DNAJC1: variants seen among roughly 807,000 people sequenced by gnomAD.
DNAJC1 encodes dnaJ homolog subfamily C member 1.
DNAJC1 carries 58 observed loss-of-function variants against 76.6 expected under a neutral mutation model. The observed-to-expected ratio is 0.76, with a 90% CI of 0.61 to 0.94. The LOEUF (loss-of-function observed/expected upper bound fraction) is 0.94, where lower values mean the gene tolerates loss of function less well. Ranked by LOEUF, DNAJC1 falls within the 40% of genes least tolerant of loss-of-function variation. DNAJC1 has a pLI of 0.00. For missense variants in DNAJC1, 689 were observed against 677.3 expected, an observed-to-expected ratio of 1.02 and a Z score of -0.19; for synonymous variants, 258 against 267.9, an observed-to-expected ratio of 0.96 and a Z score of 0.36.
At chr10:21,816,746 C>T (rs537692941) in intron 8 of DNAJC1, among the ~76,000 whole-genome samples, 29 of 146,914 alleles carry the variant, frequency 2.0e-4, no homozygotes, top group Non-Finnish European at 3.2e-4. Context: ...GGGGTTTCAC[C>T]GTGTTAACAA....
At chr10:21,758,310 G>C (rs891771097) in intron 11 of DNAJC1, among the ~76,000 whole-genome samples, 3 of 152,202 alleles carry the variant, frequency 2.0e-5, no homozygotes, top group African/African-American at 7.2e-5. Context: ...CACTGTTCCT[G>C]GTTCCTCGAC....
chr10:21,899,630 G>A (rs934274866), intron 7 of DNAJC1, among the ~76,000 whole-genome samples: 5 of 152,098 alleles, frequency 3.3e-5, no homozygotes, highest in Non-Finnish European at 7.4e-5. Context: ...TTCCTCACTG[G>A]GCTGGACCTC....
At chr10:21,917,121 T>A (rs981993638) in intron 6 of DNAJC1, among the ~76,000 whole-genome samples, 1 of 151,992 alleles carries the variant, frequency 6.6e-6, no homozygotes, top group Non-Finnish European at 1.5e-5. Context: ...TTCAAAGTGA[T>A]CAGTTAAAAA....
At chr10:21,872,167 G>T (rs1214995765) in intron 8 of DNAJC1, among the ~76,000 whole-genome samples, 2 of 149,780 alleles carry the variant, frequency 1.3e-5, no homozygotes, top group Admixed American at 1.3e-4. Flanking sequence ...TCAACCTCCT[G>T]GGTTCAAGTG....
chr10:21,910,829 AAGGAGAGGAG>A (rs71393924), intron 6 of DNAJC1, among the ~76,000 whole-genome samples: 17,484 of 48,670 alleles, frequency 0.36, 2,257 homozygotes, highest in Middle Eastern at 0.52. Flanking sequence ...GAAAGAAAGG[AAGGAGAGGAG>A]AGGAGAGGAG....
intron 1 of DNAJC1, among the ~76,000 whole-genome samples, chr10:21,940,573 C>T (rs1286866857): frequency 6.6e-5 from 10 of 152,078 alleles, no homozygotes; most frequent in Admixed American, 5.9e-4. Flanking sequence ...TATTCTGCTC[C>T]TTTATTTTAG....
intron 1 of DNAJC1, among the ~76,000 whole-genome samples, chr10:21,990,739 TTTG>T (rs1838315642): frequency 6.6e-6 from 1 of 152,184 alleles, no homozygotes; most frequent in African/African-American, 2.4e-5. Flanking sequence ...AAATTTTTGT[TTTG>T]TTGTTGTTTT....
At chr10:21,847,906 T>A (rs902488463) in intron 8 of DNAJC1, among the ~76,000 whole-genome samples, 2 of 152,130 alleles carry the variant, frequency 1.3e-5, no homozygotes, top group Non-Finnish European at 2.9e-5. Context: ...TTGTGAATAG[T>A]GGTGCAACAA....
intron 6 of DNAJC1, among the ~76,000 whole-genome samples, chr10:21,909,061 A>C (rs546176401): frequency 8.1e-4 from 123 of 151,990 alleles, no homozygotes; most frequent in Admixed American, 1.2e-3. Context: ...TAATTTTTGT[A>C]TTTTTTAGTA....
In DNAJC1 at chr10:21,896,295, T is replaced by C. The variant is rs373268076; in HGVS notation, c.820+8227A>G. Among the ~76,000 whole-genome samples, 4 of 152,132 alleles carry C rather than the reference T, an allele frequency of 2.6e-5. No homozygotes were observed. The East Asian group carries it at 7.7e-4, about 29-fold the overall frequency. ...GCTGTGACCAACAAAATTATAGTGC[T>C]GGGGTTGCCCAGAGCCTTGGGGACC... On this transcript the variant is annotated intron_variant, in intron 7 of 11. Transcript: ENST00000376980.
intron 1 of DNAJC1, among the ~76,000 whole-genome samples, chr10:21,984,925 CAA>C (rs1288971111): frequency 6.6e-6 from 1 of 152,114 alleles, no homozygotes; most frequent in Non-Finnish European, 1.5e-5. Flanking sequence ...ATGAAGAGGC[CAA>C]AGAGTGAAAA....
chr10:21,915,739 A>G (rs1016974546), intron 6 of DNAJC1, among the ~76,000 whole-genome samples: 2 of 152,156 alleles, frequency 1.3e-5, no homozygotes, highest in Non-Finnish European at 2.9e-5. Flanking sequence ...ATGAGTAAGA[A>G]ATAAGAATTG....
chr10:21,813,206 C>A (rs1564794808), intron 8 of DNAJC1, among the ~76,000 whole-genome samples: 38 of 73,282 alleles, frequency 5.2e-4, no homozygotes, highest in African/African-American at 2.6e-3. Context: ...CTCTCTCTCT[C>A]TCTCTCTCTC....
intron 9 of DNAJC1, among the ~76,000 whole-genome samples, chr10:21,784,317 C>T (rs1342378406): frequency 1.3e-5 from 2 of 152,132 alleles, no homozygotes; most frequent in Admixed American, 6.5e-5. Flanking sequence ...TCATCACTGG[C>T]CATCAGAGAA....
chr10:21,843,821 C>A (rs952113227), intron 8 of DNAJC1, among the ~76,000 whole-genome samples: 18 of 152,012 alleles, frequency 1.2e-4, no homozygotes, highest in Non-Finnish European at 2.4e-4. Context: ...CTCCCTGCCA[C>A]CTCAGGCTCC....
intron 8 of DNAJC1, among the ~76,000 whole-genome samples, chr10:21,861,530 G>T (rs1407240012): frequency 6.6e-6 from 1 of 152,126 alleles, no homozygotes; most frequent in Admixed American, 6.5e-5. Context: ...AGACCTACTG[G>T]GCTGCATTCC....
intron 1 of DNAJC1, among the ~76,000 whole-genome samples, chr10:22,001,667 T>C (rs1043099354): frequency 1.3e-5 from 2 of 152,266 alleles, no homozygotes; most frequent in African/African-American, 4.8e-5. Context: ...TTACATGATC[T>C]AAATTTTAAA....
chr10:21,918,421 A>G (rs1167861081), intron 6 of DNAJC1, among the ~76,000 whole-genome samples: 3 of 151,358 alleles, frequency 2.0e-5, no homozygotes, highest in Non-Finnish European at 4.4e-5. Flanking sequence ...TGCTATTAAA[A>G]TAATGGGTGG....
At chr10:21,916,700 A>G (rs1287631144) in intron 6 of DNAJC1, among the ~76,000 whole-genome samples, 1 of 152,182 alleles carries the variant, frequency 6.6e-6, no homozygotes, top group East Asian at 1.9e-4. Context: ...GTATTTAAGA[A>G]GATCTAAAAT....
Sources: allele counts gnomAD v4.1 joint callset (sites outside exome capture counted in the v4.1 genomes callset), GRCh38; gene constraint gnomAD v4.1.1; transcripts MANE v1.5; gene names NCBI Gene and HGNC (gene_info 2026-07-23, HGNC 2026-07-21).